The following BANP variants were observed in gnomAD, a reference collection of about 807,000 sequenced individuals.
The protein encoded by BANP is protein BANP.
A neutral mutation model predicts 68.1 loss-of-function variants in BANP; 11 were observed. The ratio of observed to expected loss-of-function variants is 0.16; its 90% CI spans 0.10 to 0.27. The LOEUF (loss-of-function observed/expected upper bound fraction) is 0.27. Among genes scored for constraint, BANP ranks in the 10% least tolerant of loss-of-function variants. The pLI, the probability that BANP is intolerant of heterozygous loss-of-function variation, is 1.00. For missense variants in BANP, 504 were observed against 722.7 expected (o/e 0.70, Z 3.47); for synonymous variants, 329 against 303.2 (o/e 1.09, Z -0.88).
intron 2 of BANP, among the ~76,000 whole-genome samples, chr16:87,978,284 T>C (rs2145921541): frequency 6.6e-6 from 1 of 152,126 alleles, no homozygotes; most frequent in South Asian, 2.1e-4. Flanking sequence ...ACCTGTGGAG[T>C]CATTACTGGA....
At chr16:87,974,981 G>A (rs2061754337) in intron 1 of BANP, 67 bp from the exon 2 acceptor site, 8 of 734,108 alleles carry the variant, frequency 1.1e-5, no homozygotes, top group South Asian at 5.0e-5. Context: ...CTCGGCTCGT[G>A]GTTTTCATAA....
intron 2 of BANP, among the ~76,000 whole-genome samples, chr16:87,976,474 G>GTTTTTTT (rs59786663): frequency 0.04 from 3,808 of 95,862 alleles, 439 homozygotes; most frequent in African/African-American, 0.15. Flanking sequence ...GTTTTAAAAA[G>GTTTTTTT]TTTTTTTTTT....
intron 12 of BANP, among the ~76,000 whole-genome samples, chr16:88,067,464 G>T (rs1287214487): frequency 6.6e-6 from 1 of 152,166 alleles, no homozygotes; most frequent in East Asian, 1.9e-4. Context: ...CCTGAGACGG[G>T]ACCCAGGGGC....
chr16:87,982,617 C>T (rs540697129), intron 3 of BANP: 1 of 152,292 alleles, frequency 6.6e-6, no homozygotes, highest in South Asian at 2.1e-4. Flanking sequence ...TGGCTCCTTC[C>T]CTCTCTCACA....
In BANP at chr16:88,071,459, C is replaced by T. The variant is rs1039698110; in HGVS notation, c.1378-610C>T. The T allele has an allele frequency of 8.8e-6, 4 of 456,282 alleles. No individual in the cohort carries two copies. Among genetic ancestry groups the T allele is most frequent in the East Asian group, 6.9e-5 (1 of 14,396 alleles). 28.3% of individuals were successfully genotyped at this position (456,282 alleles called of 1,614,324 possible). A position where few individuals can be genotyped will look rare whatever the true frequency, so the allele number is the denominator to read the frequency against. On this transcript the variant is annotated intron_variant, in intron 12 of 13. Transcript: ENST00000682872. This position sits in a 1 kb window ranked among gnomAD's most constrained non-coding sequence, Gnocchi z 6.5. ...CATTCTCATTCCATACTCTGGGAGGCGGTACAAGGTCGGGAGGGCCAGCGG... is the reference window on the plus strand; with the variant it reads ...CATTCTCATTCCATACTCTGGGAGGTGGTACAAGGTCGGGAGGGCCAGCGG...
At chr16:88,069,040 C>T (rs1010990147) in intron 12 of BANP, among the ~76,000 whole-genome samples, 3 of 152,224 alleles carry the variant, frequency 2.0e-5, no homozygotes, top group Middle Eastern at 3.4e-3. Context: ...CCAGCTCCAG[C>T]CCCAGGCCCA....
At chr16:88,040,360 GA>G (rs1295339411) in intron 11 of BANP, among the ~76,000 whole-genome samples, 1 of 151,974 alleles carries the variant, frequency 6.6e-6, no homozygotes, top group East Asian at 1.9e-4. Flanking sequence ...TTGGGAGACA[GA>G]AGGATGTTTC....
At chr16:88,037,189 G>C (rs1394078049) in intron 10 of BANP, 1 of 152,160 alleles carries the variant, frequency 6.6e-6, no homozygotes, top group Non-Finnish European at 1.5e-5. Flanking sequence ...GCTTTTTATA[G>C]TTTATGCTAA....
At chr16:88,070,443 T>G (rs943326700) in intron 12 of BANP, among the ~76,000 whole-genome samples, 3 of 152,224 alleles carry the variant, frequency 2.0e-5, no homozygotes, top group African/African-American at 7.2e-5. Flanking sequence ...GTATAGCATC[T>G]GTTTGAGACA....
chr16:88,072,320 A>G, intron 13 of BANP, 108 bp downstream of exon 13: 1 of 1,314,408 alleles, frequency 7.6e-7, no homozygotes, highest in Non-Finnish European at 1.0e-6. Flanking sequence ...TCCTGTGCAG[A>G]GGGCACGTGA....
chr16:88,035,438 C>A (rs1331439264), intron 10 of BANP, 44 bp downstream of exon 10: 2 of 1,512,554 alleles, frequency 1.3e-6, no homozygotes, highest in Admixed American at 3.7e-5. Flanking sequence ...AGGCACCGTG[C>A]CCACATGCTC....
intron 1 of BANP, among the ~76,000 whole-genome samples, chr16:87,974,039 T>C (rs895522689): frequency 6.6e-6 from 1 of 152,228 alleles, no homozygotes; most frequent in Admixed American, 6.5e-5. Context: ...GATGAAGGGC[T>C]GTGCTGTACA....
intron 4 of BANP, among the ~76,000 whole-genome samples, chr16:87,988,864 C>T (rs1174448939): frequency 2.0e-5 from 3 of 152,212 alleles, no homozygotes; most frequent in African/African-American, 4.8e-5. Context: ...CGGGCACAGC[C>T]TTGCAGCAGC....
chr16:87,981,074 C>T lies in BANP; in HGVS notation c.109C>T (p.Pro37Ser), dbSNP rs200156817. The T allele has an allele frequency of 1.2e-6, 2 of 1,614,016 alleles. No homozygotes were observed. The change falls in exon 3 of 14, where the codon CCT becomes TCT. Residue 37 changes from proline (P) to serine (S), a missense_variant. By Grantham distance (74) the Pro-to-Ser change is moderately conservative. Around this residue, in one of 3 missense-constraint regions of BANP, gnomAD observed 238 missense variants for 278.9 expected, o/e 0.85. Transcript: ENST00000682872. ...TCATGTAGTGACAGATGAAGACGAA[C>T]CTGCTTTGAAACGCCAGCGACTAGA... is the stretch of plus-strand genomic sequence containing the variant. ...ENHVVTDEDEPALKRQRLEIN... is the reference protein window; with the variant it reads ...ENHVVTDEDESALKRQRLEIN...
chr16:87,950,835 C>G (rs918379722), upstream of BANP: 8 of 152,232 alleles, frequency 5.3e-5, no homozygotes, highest in Admixed American at 3.3e-4. Flanking sequence ...TCAGGCCCCT[C>G]TGGATAGACA....
At chr16:88,027,289 GC>G (rs2077187606) in intron 7 of BANP, among the ~76,000 whole-genome samples, 193 bp from the exon 8 acceptor site, 1 of 152,036 alleles carries the variant, frequency 6.6e-6, no homozygotes, top group Non-Finnish European at 1.5e-5. Context: ...CTCGTGGGGA[GC>G]CCCGCCTGTG....
chr16:88,030,273 C>G (rs1207357939), intron 8 of BANP, among the ~76,000 whole-genome samples: 1 of 152,102 alleles, frequency 6.6e-6, no homozygotes, highest in African/African-American at 2.4e-5. Context: ...GGGACCCTGT[C>G]TGGAATTAAC....
intron 9 of BANP, among the ~76,000 whole-genome samples, chr16:88,034,640 G>A (rs1000119136): frequency 2.6e-5 from 4 of 152,142 alleles, no homozygotes; most frequent in Non-Finnish European, 5.9e-5. Context: ...CCAGAGAGCT[G>A]AACGTATCAT....
chr16:87,978,635 G>A (rs142237178), intron 2 of BANP: 84 of 470,206 alleles, frequency 1.8e-4, no homozygotes, highest in African/African-American at 1.5e-3. Flanking sequence ...AGGCATAGCC[G>A]TGTGCTGTAC....
Sources: gnomAD v4.1 joint callset for allele counts (sites outside exome capture counted in the v4.1 genomes callset) on GRCh38, gnomAD v4.1.1 for gene constraint, gnomAD v4.1.1 regional missense constraint, Gnocchi (gnomAD v3.1) non-coding constraint, MANE v1.5 for transcripts, NCBI Gene and HGNC (gene_info 2026-07-23, HGNC 2026-07-21) for gene names.